ABI3BP: variants seen among roughly 807,000 people sequenced by gnomAD.
The protein encoded by ABI3BP is ABI family member 3 binding protein.
Under a neutral mutation model 268.6 loss-of-function variants are expected in ABI3BP, and 216 were observed. The observed-to-expected ratio is 0.80, with a 90% CI of 0.72 to 0.90. The LOEUF (loss-of-function observed/expected upper bound fraction) is 0.90, where lower values mean the gene tolerates loss of function less well. ABI3BP is among the 40% of genes least tolerant of loss of function. The pLI is 0.00. For synonymous variants in ABI3BP, 730 were observed against 730.0 expected (o/e 1.00, Z 0.00); for missense variants, 2,090 against 2,182.4 (o/e 0.96, Z 0.84).
At chr3:100,753,522 G>A (rs924696331) in intron 65 of ABI3BP, among the ~76,000 whole-genome samples, 4 of 151,972 alleles carry the variant, frequency 2.6e-5, no homozygotes, top group Non-Finnish European at 5.9e-5. Context: ...CAGCTCCTGG[G>A]CTCAAGCAAT....
At position 100,835,671 on chromosome 3, in the gene ABI3BP, G is replaced by A; in HGVS notation, c.2132-11C>T. ...TGTCTGTGGTGGGAACTAACCAAAA[G>A]CAATACAATAAACAATGGAGATTAA... On this transcript the variant is annotated splice_polypyrimidine_tract_variant and intron_variant, in intron 27 of 67. Coordinates refer to ENST00000471714, the MANE Select transcript of ABI3BP (RefSeq NM_001375547.2). 1 of 1,529,664 alleles carries A rather than the reference G, an allele frequency of 6.5e-7. No individual in the cohort carries two copies. The highest frequency in any genetic ancestry group is 8.8e-7 in the Non-Finnish European group (1 of 1,142,088). The allele number at this position is 1,529,664 out of a possible 1,614,324, so 94.8% of individuals were successfully genotyped here. A position where few individuals can be genotyped will look rare whatever the true frequency, so the allele number is the denominator to read the frequency against.
intron 1 of ABI3BP, among the ~76,000 whole-genome samples, chr3:100,965,484 A>G (rs1215008943): frequency 7.6e-6 from 1 of 132,118 alleles, no homozygotes; most frequent in Non-Finnish European, 1.6e-5. Flanking sequence ...GAAAACATGG[A>G]AAGCCTTTAT....
At position 100,831,110 on chromosome 3, in the gene ABI3BP, G is replaced by T. The variant is rs151039755; in HGVS notation, c.2402-476C>A. ...CCTATGGTGATCCCCAGTGGTTTCT[G>T]CCTCTGGTGTTAACACCTTTGAGTC... On this transcript the variant is annotated intron_variant, in intron 31 of 67. Transcript: ENST00000471714. Among the ~76,000 whole-genome samples the T allele has an allele frequency of 7.0e-4, 107 of 152,284 alleles. No homozygotes were observed. The East Asian group carries it at 0.02, about 29-fold the overall frequency.
intron 1 of ABI3BP, among the ~76,000 whole-genome samples, chr3:100,927,107 C>T (rs562096622): frequency 7.9e-5 from 12 of 152,134 alleles, no homozygotes; most frequent in African/African-American, 2.9e-4. Flanking sequence ...GGATGGGGGT[C>T]GAGACCCATC....
chr3:100,829,647 G>T lies in ABI3BP; in HGVS notation c.2476C>A (p.Arg826=). Residue 826 remains arginine, a synonymous_variant, in exon 33 of 68, where the codon CGA becomes AGA. Coordinates refer to ENST00000471714, the MANE Select transcript of ABI3BP (RefSeq NM_001375547.2). ...GGTTTGGGATGTGGACGATGAGTTC[G>T]TTGAGGCACTTTGGGAGCTAAAGGA... ...GTTAAPKVPQ[R]THRPHPKPKT... 6.5e-7 allele frequency: 1 copy of T among 1,535,574 alleles called. No individual in the cohort carries two copies. The highest frequency in any genetic ancestry group is 8.7e-7 in the Non-Finnish European group (1 of 1,146,394).
Position 100,965,252 on chromosome 3 carries a change from C to T in ABI3BP, c.79+28054G>A, listed in dbSNP as rs370835106. On this transcript the variant is annotated intron_variant, in intron 1 of 67. Transcript: ENST00000471714. ...GACCCTAACTCATCTCAAATGCCAT[C>T]TTTTTCAAGTCCCATTTGCCTCAAG... 2.3e-4 allele frequency among the ~76,000 whole-genome samples: 35 copies of T among 152,256 alleles called. 1 individual carries two copies. The South Asian group carries it at 7.1e-3, about 31-fold the overall frequency.
intron 21 of ABI3BP, 97 bp downstream of exon 21, chr3:100,841,901 G>T: frequency 1.2e-6 from 1 of 818,346 alleles, no homozygotes; most frequent in Non-Finnish European, 1.8e-6. Flanking sequence ...ATCTGGAGAA[G>T]AAAAAAAAAA....
chr3:100,934,646 T>A (rs1196863226), intron 1 of ABI3BP, among the ~76,000 whole-genome samples: 1 of 152,148 alleles, frequency 6.6e-6, no homozygotes, highest in Non-Finnish European at 1.5e-5. Context: ...CAGCATCTGT[T>A]GTTTCCTGAC....
At chr3:100,827,260 A>G (rs932806689) in intron 34 of ABI3BP, among the ~76,000 whole-genome samples, 1 of 152,178 alleles carries the variant, frequency 6.6e-6, no homozygotes, top group African/African-American at 2.4e-5. Context: ...GAAGTAAAAC[A>G]TGTCTTCTAC....
chr3:100,846,693 CTAAA>C (rs1467651740), intron 19 of ABI3BP: 9 of 320,872 alleles, frequency 2.8e-5, no homozygotes, highest in Admixed American at 4.5e-5. Context: ...AGCATTACTA[CTAAA>C]TAGTCACAGT....
At chr3:100,973,064 C>T (rs1430199444) in intron 1 of ABI3BP, among the ~76,000 whole-genome samples, 1 of 152,084 alleles carries the variant, frequency 6.6e-6, no homozygotes, top group African/African-American at 2.4e-5. Flanking sequence ...TTGTTAGTGA[C>T]TTCACTGTTT....
intron 1 of ABI3BP, among the ~76,000 whole-genome samples, chr3:100,992,119 T>A (rs2093033517): frequency 6.6e-6 from 1 of 152,116 alleles, no homozygotes; most frequent in African/African-American, 2.4e-5. Flanking sequence ...GATCTAAGAG[T>A]GCTTGTTTTT....
intron 59 of ABI3BP, among the ~76,000 whole-genome samples, chr3:100,777,205 C>T (rs914268535): frequency 2.0e-5 from 3 of 152,202 alleles, no homozygotes; most frequent in African/African-American, 7.2e-5. Context: ...CATGGCGATC[C>T]TCATCAGTTT....
rs546934313 is a variant in ABI3BP at position 100,953,299 on chromosome 3, G to A, written c.80-26818C>T. Among the ~76,000 whole-genome samples, 78 of 152,024 alleles carry A rather than the reference G, an allele frequency of 5.1e-4. No homozygotes were observed. The South Asian group carries it at 8.3e-3, about 16-fold the overall frequency. ...ACTACTTTGTTACATTATCTCTTTC[G>A]TCTGCCCCTGCTGGACAAAAACAGC... On this transcript the variant is annotated intron_variant, in intron 1 of 67. Coordinates refer to ENST00000471714, the MANE Select transcript of ABI3BP (RefSeq NM_001375547.2).
chr3:100,814,492 C>G (rs1425610709), intron 44 of ABI3BP, among the ~76,000 whole-genome samples: 1 of 152,128 alleles, frequency 6.6e-6, no homozygotes, highest in East Asian at 1.9e-4. Context: ...CAACTACTCT[C>G]TGTCATCAGC....
chr3:100,963,890 C>G (rs1345371158), intron 1 of ABI3BP, among the ~76,000 whole-genome samples: 1 of 152,218 alleles, frequency 6.6e-6, no homozygotes, highest in Admixed American at 6.5e-5. Flanking sequence ...AGACTTGACT[C>G]AAGAGTTCCT....
chr3:100,803,319 G>GTTT (rs1220830166), intron 51 of ABI3BP, among the ~76,000 whole-genome samples: 1 of 131,326 alleles, frequency 7.6e-6, no homozygotes, highest in Non-Finnish European at 1.7e-5. Context: ...ATTAAGGCAA[G>GTTT]TTTTTTTTTT....
intron 4 of ABI3BP, among the ~76,000 whole-genome samples, chr3:100,887,866 G>A (rs925690638): frequency 5.9e-5 from 9 of 151,982 alleles, no homozygotes; most frequent in Admixed American, 5.3e-4. Flanking sequence ...AACTGGCTAC[G>A]TAATTTGTGG....
chr3:100,903,090 G>A lies in ABI3BP; in HGVS notation c.260-404C>T, dbSNP rs118178386. The stretch of plus-strand genomic sequence containing the variant: ...AAAAATTCTACTTGCACAAGACACC[G>A]TGGGCCTCACCTGTATGAGCTAAAA... On this transcript the variant is annotated intron_variant, in intron 2 of 67. Transcript: ENST00000471714. Among the ~76,000 whole-genome samples the A allele has an allele frequency of 5.1e-4, 78 of 152,242 alleles. No homozygotes were observed. In the East Asian group the frequency reaches 9.1e-3, roughly 18 times the overall value.
Sources: allele counts gnomAD v4.1 joint callset (sites outside exome capture counted in the v4.1 genomes callset), GRCh38; gene constraint gnomAD v4.1.1; transcripts MANE v1.5; gene names NCBI Gene and HGNC (gene_info 2026-07-23, HGNC 2026-07-21).